The following WDR81 variants were observed in gnomAD, a reference collection of about 807,000 sequenced individuals.
WDR81 encodes the protein WD repeat domain 81, also known as WD repeat-containing protein 81.
Under a neutral mutation model 140.8 loss-of-function variants are expected in WDR81, and 92 were observed. That is an observed-to-expected ratio of 0.65 (90% CI 0.55 to 0.78). WDR81 has a LOEUF of 0.78. WDR81 is among the 30% of genes least tolerant of loss of function. The pLI, the probability that WDR81 is intolerant of heterozygous loss-of-function variation, is 0.00. For synonymous variants in WDR81, 1,183 were observed against 1,156.4 expected (o/e 1.02, Z -0.47); for missense variants, 2,502 against 2,636.4 (o/e 0.95, Z 1.12).
chr17:1,730,236 G>T (rs1163603516), intron 1 of WDR81, 144 bp from the exon 2 acceptor site: 7 of 638,058 alleles, frequency 1.1e-5, no homozygotes, highest in Non-Finnish European at 1.9e-5. Context: ...TTACGTGGAG[G>T]GGGTGGTGTG....
Position 1,734,223 on chromosome 17 carries a change from G to A in WDR81, c.5179+7G>A, listed in dbSNP as rs368097092. The A allele has an allele frequency of 2.4e-5, 37 of 1,566,060 alleles. No homozygotes were observed. Among genetic ancestry groups the A allele is most frequent in the South Asian group, 1.8e-4 (16 of 86,598 alleles). The stretch of plus-strand genomic sequence containing the variant: ...GTCTGGGACCCCTTCACAGGTGAGC[G>A]GGCCCAGGTGAGGCCTGTTCTCTTC... On this transcript the variant is annotated splice_region_variant and intron_variant, in intron 7 of 9. Coordinates refer to ENST00000409644, the MANE Select transcript of WDR81 (RefSeq NM_001163809.2).
At position 1,726,974 on chromosome 17, in the gene WDR81, C is replaced by T; in HGVS notation, c.2015C>T (p.Ala672Val). The T allele has an allele frequency of 6.4e-7, 1 of 1,550,456 alleles. No homozygotes were observed. The highest frequency in any genetic ancestry group is 1.2e-5 in the South Asian group (1 of 84,062). Reference protein sequence around the residue: ...ATEALDSISLAGKAGDQLGSS... With the variant: ...ATEALDSISLVGKAGDQLGSS... ...GAAGCTCTGGATTCCATTTCCCTTG[C>T]TGGGAAAGCAGGTGACCAGCTGGGC... Residue 672 changes from alanine to valine, a missense_variant, in exon 1 of 10, where the codon GCT becomes GTT. Ala to Val is a moderately conservative substitution (Grantham distance 64). Around this residue, in one of 3 missense-constraint regions of WDR81, gnomAD observed 1,737 missense variants for 1,843.0 expected, o/e 0.94. Coordinates refer to ENST00000409644, the MANE Select transcript of WDR81 (RefSeq NM_001163809.2).
chr17:1,736,174 C>T lies in WDR81; in HGVS notation c.5461C>T (p.Leu1821=), dbSNP rs372834851. ...VLLDTRTGLV[L]RGWPAHEGDI... Reference sequence around the variant, plus strand: ...CCTGGACACCCGCACAGGCCTGGTTCTGCGAGGCTGGCCAGCCCACGAGGG... The same window carrying T: ...CCTGGACACCCGCACAGGCCTGGTTTTGCGAGGCTGGCCAGCCCACGAGGG... The change falls in exon 9 of 10, where the codon CTG becomes TTG. Residue 1821 remains leucine (L), a synonymous_variant. Transcript: ENST00000409644. 6.3e-7 allele frequency: 1 copy of T among 1,599,906 alleles called. No individual in the cohort carries two copies. Among genetic ancestry groups the T allele is most frequent in the East Asian group, 2.2e-5 (1 of 44,866 alleles).
chr17:1,717,182 A>C (rs1332252022), intron 1 of WDR81: 1 of 154,416 alleles, frequency 6.5e-6, no homozygotes, highest in Non-Finnish European at 1.4e-5. Flanking sequence ...CTTAGGGAAG[A>C]GATTCGAAGG....
At chr17:1,724,566 A>C, upstream of WDR81, 1 of 984,492 alleles carries the variant, frequency 1.0e-6, no homozygotes. Flanking sequence ...CCCGGGAGGA[A>C]GCGGAGCCCA....
intron 5 of WDR81, 22 bp downstream of exon 5, chr17:1,732,512 G>A (rs757269515): frequency 6.2e-7 from 1 of 1,606,952 alleles, no homozygotes; most frequent in East Asian, 2.2e-5. Context: ...TGCTGGGCCA[G>A]GGCGGGCTGG....
At position 1,728,404 on chromosome 17, in the gene WDR81, A is replaced by C. The variant is rs1162506100; in HGVS notation, c.3445A>C (p.Ser1149Arg). ...TGACAGCAGCCAGGACTTGAAGCAA[A>C]GCGAGGGCTCCGAGGAGGAAGAGGA... is the stretch of plus-strand genomic sequence containing the variant. The part of the protein sequence containing the change: ...SGDSSQDLKQ[S>R]EGSEEEEEEE... Residue 1149 changes from serine (S) to arginine (R), a missense_variant, in exon 1 of 10, where the codon AGC becomes CGC. Ser to Arg is a moderately radical substitution (Grantham distance 110). Around this residue, in one of 3 missense-constraint regions of WDR81, gnomAD observed 1,737 missense variants for 1,843.0 expected, o/e 0.94. Coordinates refer to ENST00000409644, the MANE Select transcript of WDR81 (RefSeq NM_001163809.2). The C allele has an allele frequency of 1.2e-6, 2 of 1,612,786 alleles. No homozygotes were observed. The highest frequency in any genetic ancestry group is 2.2e-5 in the South Asian group (2 of 91,038).
chr17:1,731,626 G>A (rs957733199), intron 4 of WDR81, among the ~76,000 whole-genome samples: 42 of 152,192 alleles, frequency 2.8e-4, no homozygotes, highest in African/African-American at 9.9e-4. Context: ...TATAAAGGCC[G>A]AGCGTGGTGT....
Position 1,731,333 on chromosome 17 carries a change from G to C in WDR81, c.4157+75G>C, listed in dbSNP as rs1904332144. Reference sequence around the variant, plus strand: ...TGCCCAGGAGGGGGTGGGAAGCTCAGGGGAGAGGACGTAACACTGGACTGG... The same window carrying C: ...TGCCCAGGAGGGGGTGGGAAGCTCACGGGAGAGGACGTAACACTGGACTGG... On this transcript the variant is annotated intron_variant, in intron 4 of 9. Coordinates refer to ENST00000409644, the MANE Select transcript of WDR81 (RefSeq NM_001163809.2). 6 of 1,512,008 alleles carry C rather than the reference G, an allele frequency of 4.0e-6. No homozygotes were observed. The East Asian group carries it at 1.4e-4, about 37-fold the overall frequency. The allele number at this position is 1,512,008 out of a possible 1,614,324, so 93.7% of individuals were successfully genotyped here.
intron 4 of WDR81, 87 bp downstream of exon 4, chr17:1,731,345 T>G: frequency 6.9e-7 from 1 of 1,449,626 alleles, no homozygotes; most frequent in East Asian, 2.5e-5. Context: ...GGAGAGGACG[T>G]AACACTGGAC....
At chr17:1,734,266 C>A in intron 7 of WDR81, 50 bp downstream of exon 7, 1 of 1,477,696 alleles carries the variant, frequency 6.8e-7, no homozygotes. Flanking sequence ...TGCGCCCCAC[C>A]AGGCCTCCAG....
chr17:1,731,016 G>C (rs1414306901), intron 3 of WDR81, 52 bp from the exon 4 acceptor site: 6 of 1,605,012 alleles, frequency 3.7e-6, no homozygotes, highest in South Asian at 1.1e-5. Context: ...GGCTCTCTTG[G>C]TGCCAGGGGG....
intron 1 of WDR81, chr17:1,716,784 G>T: frequency 1.1e-6 from 1 of 888,806 alleles, no homozygotes; most frequent in Non-Finnish European, 1.7e-6. Flanking sequence ...GCTCTTTAAG[G>T]AAAGGTGGAG....
At chr17:1,722,641 G>A (rs1033115277), upstream of WDR81, among the ~76,000 whole-genome samples, 2 of 150,460 alleles carry the variant, frequency 1.3e-5, no homozygotes, top group African/African-American at 2.4e-5. Flanking sequence ...CACCGCACCC[G>A]GCCCTCCTAT....
intron 1 of WDR81, among the ~76,000 whole-genome samples, chr17:1,717,734 T>C (rs1914655791): frequency 6.6e-6 from 1 of 152,138 alleles, no homozygotes; most frequent in South Asian, 2.1e-4. Context: ...ATCTTTCTTT[T>C]CCCCCATCAC....
rs938093513 is a variant in WDR81 at position 1,732,253 on chromosome 17, A to C, written c.4158-72A>C. On this transcript the variant is annotated intron_variant, in intron 4 of 9. Coordinates refer to ENST00000409644, the MANE Select transcript of WDR81 (RefSeq NM_001163809.2). ...CTCCATCTCAATAAAAATAAAAATAAATAAAGATTTTGCTAGATTCTGGTC... is the reference window on the plus strand; with the variant it reads ...CTCCATCTCAATAAAAATAAAAATACATAAAGATTTTGCTAGATTCTGGTC... 4 of 1,562,362 alleles carry C rather than the reference A, an allele frequency of 2.6e-6. No individual in the cohort carries two copies. In the African/African-American group the frequency reaches 5.5e-5, roughly 21 times the overall value.
Position 1,735,616 on chromosome 17 carries a change from C to G in WDR81, c.5224C>G (p.Leu1742Val). 6.2e-7 allele frequency: 1 copy of G among 1,612,802 alleles called. No homozygotes were observed. Among genetic ancestry groups the G allele is most frequent in the Non-Finnish European group, 8.5e-7 (1 of 1,179,936 alleles). ...TVEPLDSRVP[L>V]TAVAVMPAPH... ...GGAGCCGCTGGACAGCCGGGTGCCC[C>G]TGACTGCGGTGGCTGTCATGCCCGC... is the stretch of plus-strand genomic sequence containing the variant. Residue 1742 changes from leucine (L) to valine (V), a missense_variant, in exon 8 of 10, where the codon CTG (leucine) becomes GTG (valine). Around this residue, in one of 3 missense-constraint regions of WDR81, gnomAD observed 1,737 missense variants for 1,843.0 expected, o/e 0.94. Coordinates refer to ENST00000409644, the MANE Select transcript of WDR81 (RefSeq NM_001163809.2). This position sits in a 1 kb window ranked among gnomAD's most constrained non-coding sequence, Gnocchi z 4.2.
chr17:1,720,712 C>T (rs2151155952), upstream of WDR81, among the ~76,000 whole-genome samples: 1 of 151,304 alleles, frequency 6.6e-6, no homozygotes, highest in East Asian at 1.9e-4. Flanking sequence ...TTGCAGTGAG[C>T]CGAGATCGTG....
Position 1,725,190 on chromosome 17 carries a change from C to G in WDR81, c.231C>G (p.Pro77=), listed in dbSNP as rs933983970. The change falls in exon 1 of 10, where the codon CCC becomes CCG. Residue 77 remains proline (P), a synonymous_variant. Transcript: ENST00000409644. ...RDRRLPLGPC[P]RAEGLGEAEV... The stretch of plus-strand genomic sequence containing the variant: ...GCCGGCTGCCCCTGGGACCCTGTCC[C>G]CGCGCAGAGGGCCTGGGAGAAGCGG... The G allele has an allele frequency of 2.0e-6, 3 of 1,536,998 alleles. No individual in the cohort carries two copies. Among genetic ancestry groups the G allele is most frequent in the African/African-American group, 2.7e-5 (2 of 73,042 alleles).
Sources: gnomAD v4.1 joint callset for allele counts (sites outside exome capture counted in the v4.1 genomes callset) on GRCh38, gnomAD v4.1.1 for gene constraint, gnomAD v4.1.1 regional missense constraint, Gnocchi (gnomAD v3.1) non-coding constraint, MANE v1.5 for transcripts, NCBI Gene and HGNC (gene_info 2026-07-23, HGNC 2026-07-21) for gene names.